DLEC1: variants seen among roughly 807,000 people sequenced by gnomAD.
DLEC1 encodes the protein DLEC1 cilia and flagella associated protein.
In DLEC1, 146 loss-of-function variants were observed where a neutral mutation model predicts 198.1. The ratio of observed to expected loss-of-function variants is 0.74; its 90% confidence interval spans 0.64 to 0.85. The LOEUF is 0.85. Ranked by LOEUF, DLEC1 falls within the 40% of genes least tolerant of loss-of-function variation. The pLI is 0.00. For synonymous variants in DLEC1, 897 were observed against 866.8 expected (o/e 1.03, Z -0.61); for missense variants, 2,233 against 2,220.0 (o/e 1.01, Z -0.12).
At position 38,088,402 on chromosome 3, in the gene DLEC1, C is replaced by T. The variant is rs779480355; in HGVS notation, c.1665+14C>T. The T allele has an allele frequency of 2.5e-5, 40 of 1,605,392 alleles. No homozygotes were observed. Among genetic ancestry groups the T allele is most frequent in the South Asian group, 2.2e-5 (2 of 90,666 alleles). On this transcript the variant is annotated intron_variant, in intron 10 of 36. Coordinates refer to ENST00000308059, the MANE Select transcript of DLEC1 (RefSeq NM_007335.4). Reference sequence around the variant, plus strand: ...ATATTAGTGGAGGTAGGTAATCAGACATTGGCATGTATTTCCTCAACTGCT... The same window carrying T: ...ATATTAGTGGAGGTAGGTAATCAGATATTGGCATGTATTTCCTCAACTGCT...
intron 2 of DLEC1, among the ~76,000 whole-genome samples, chr3:38,054,661 C>T (rs1270393941): frequency 1.3e-5 from 2 of 152,230 alleles, no homozygotes; most frequent in Non-Finnish European, 2.9e-5. Flanking sequence ...AGACCACTTG[C>T]TGTAAGCACA....
At chr3:38,046,939 GA>G (rs1478782062) in intron 2 of DLEC1, among the ~76,000 whole-genome samples, 1 of 152,190 alleles carries the variant, frequency 6.6e-6, no homozygotes, top group Non-Finnish European at 1.5e-5. Context: ...GTAGGATGGG[GA>G]TGGTTCTGTC....
Position 38,114,890 on chromosome 3 carries a change from C to T in DLEC1, c.3786-93C>T, listed in dbSNP as rs139487931. ...GTGAGGCCAGACCACTGTGGTATTTCCCCCTGCCTGAGCCCCCAGTCCCAG... is the reference window on the plus strand; with the variant it reads ...GTGAGGCCAGACCACTGTGGTATTTTCCCCTGCCTGAGCCCCCAGTCCCAG... On this transcript the variant is annotated intron_variant, in intron 26 of 36. Transcript: ENST00000308059. The T allele has an allele frequency of 1.7e-3, 1,887 of 1,105,772 alleles. 15 individuals are homozygous for T. The African/African-American group carries it at 0.019, about 11-fold the overall frequency. The allele number at this position is 1,105,772 out of a possible 1,614,324, so 68.5% of individuals were successfully genotyped here.
chr3:38,100,139 C>T, intron 18 of DLEC1, 147 bp from the exon 19 acceptor site: 6 of 959,154 alleles, frequency 6.3e-6, no homozygotes, highest in Non-Finnish European at 9.0e-6. Flanking sequence ...TGGTCCCCCA[C>T]CTGCTTGCCT....
Position 38,097,287 on chromosome 3 carries a change from A to C in DLEC1, c.2434+12A>C. 6.4e-7 allele frequency: 1 copy of C among 1,570,182 alleles called. No individual in the cohort carries two copies. The highest frequency in any genetic ancestry group is 1.4e-5 in the African/African-American group (1 of 73,850). ...CACAGGGGTCATAGGTACCTTGGGG[A>C]CTGCAGGAGGGGTTGTGACCTGCCT... is the stretch of plus-strand genomic sequence containing the variant. On this transcript the variant is annotated intron_variant, in intron 16 of 36. Coordinates refer to ENST00000308059, the MANE Select transcript of DLEC1 (RefSeq NM_007335.4).
intron 4 of DLEC1, 63 bp from the exon 5 acceptor site, chr3:38,062,518 A>C (rs922642053): frequency 1.9e-6 from 3 of 1,598,226 alleles, no homozygotes; most frequent in Middle Eastern, 1.7e-4. Flanking sequence ...GCAGTTGGTC[A>C]AGATGTCAAC....
At chr3:38,039,765 C>A in intron 1 of DLEC1, 129 bp downstream of exon 1, 1 of 1,245,446 alleles carries the variant, frequency 8.0e-7, no homozygotes, top group Non-Finnish European at 1.1e-6. Context: ...GCCCATCATG[C>A]CGAAGTGGGC....
rs770758329 is a variant in DLEC1 at position 38,116,970 on chromosome 3, G to T, written c.4180-5G>T. On this transcript the variant is annotated splice_region_variant and splice_polypyrimidine_tract_variant and intron_variant, in intron 29 of 36. Coordinates refer to ENST00000308059, the MANE Select transcript of DLEC1 (RefSeq NM_007335.4). The stretch of plus-strand genomic sequence containing the variant: ...ACAGTGCTAAGGCTGCTGTGTCTAT[G>T]CCAGGTGGTCCCTGCTGGGGGCAGC... The T allele has an allele frequency of 1.2e-6, 2 of 1,613,696 alleles. No homozygotes were observed. Among genetic ancestry groups the T allele is most frequent in the African/African-American group, 1.3e-5 (1 of 75,024 alleles).
Position 38,046,312 on chromosome 3 carries a change from G to T in DLEC1, c.562+619G>T, listed in dbSNP as rs184922170. 2.9e-3 allele frequency among the ~76,000 whole-genome samples: 449 copies of T among 152,218 alleles called. 2 individuals carry two copies. Among genetic ancestry groups the T allele is most frequent in the Admixed American group, 3.4e-3 (52 of 15,292 alleles). ...CACCCAAATCTCACCTTGAATTGTA[G>T]CTCCCGTAATCCCCACGTGTCATGG... On this transcript the variant is annotated intron_variant, in intron 2 of 36. Coordinates refer to ENST00000308059, the MANE Select transcript of DLEC1 (RefSeq NM_007335.4).
At chr3:38,088,234 C>A in intron 9 of DLEC1, 62 bp from the exon 10 acceptor site, 1 of 1,445,144 alleles carries the variant, frequency 6.9e-7, no homozygotes, top group African/African-American at 1.4e-5. Flanking sequence ...GAGAAGTTTG[C>A]AATCTGAATA....
chr3:38,062,880 C>A, intron 5 of DLEC1, 79 bp downstream of exon 5: 2 of 1,452,072 alleles, frequency 1.4e-6, no homozygotes, highest in East Asian at 2.3e-5. Flanking sequence ...TTTGGTCTGG[C>A]TGTAGAGGTC....
Position 38,113,670 on chromosome 3 carries a change from G to A in DLEC1, c.3667-672G>A, listed in dbSNP as rs149527276. Reference sequence around the variant, plus strand: ...CATGCCACTGCACTCCAGCCTGAGCGATGGAGCAAGACTCTGTCTCAATAA... The same window carrying A: ...CATGCCACTGCACTCCAGCCTGAGCAATGGAGCAAGACTCTGTCTCAATAA... On this transcript the variant is annotated intron_variant, in intron 25 of 36. Transcript: ENST00000308059. Among the ~76,000 whole-genome samples, 422 of 152,080 alleles carry A rather than the reference G, an allele frequency of 2.8e-3. 2 individuals are homozygous for A. The highest frequency in any genetic ancestry group is 9.7e-3 in the African/African-American group (402 of 41,490).
Position 38,111,881 on chromosome 3 carries a change from C to T in DLEC1, c.3514+134C>T, listed in dbSNP as rs1699901689. 14 of 964,732 alleles carry T rather than the reference C, an allele frequency of 1.5e-5. 1 individual carries two copies. The highest frequency in any genetic ancestry group is 1.8e-5 in the Non-Finnish European group (12 of 668,476). The allele number at this position is 964,732 out of a possible 1,614,324, so 59.8% of individuals were successfully genotyped here. On this transcript the variant is annotated intron_variant, in intron 24 of 36. Transcript: ENST00000308059. ...GCTCTCAGATGGCCAAGGCGCTCCA[C>T]CTGACAATGCCTCTTCCTGTTGAGG...
chr3:38,090,609 A>G (rs1698694068), intron 10 of DLEC1, among the ~76,000 whole-genome samples: 1 of 152,252 alleles, frequency 6.6e-6, no homozygotes, highest in African/African-American at 2.4e-5. Flanking sequence ...TCCAAGGATG[A>G]GTCTACCCAC....
intron 15 of DLEC1, among the ~76,000 whole-genome samples, chr3:38,096,955 G>T (rs1403708467): frequency 6.6e-6 from 1 of 152,176 alleles, no homozygotes; most frequent in African/African-American, 2.4e-5. Context: ...GAAAGTTAGG[G>T]CTATGGAACC....
rs187479855 is a variant in DLEC1, at chr3:38,053,673, C to T, written c.563-6069C>T. The stretch of plus-strand genomic sequence containing the variant: ...GGAAGTGAGGAGCCCCTCTGCCCAG[C>T]GGCCACCCCGTCTGGGAGGTGTACC... On this transcript the variant is annotated intron_variant, in intron 2 of 36. Transcript: ENST00000308059. Among the ~76,000 whole-genome samples, 840 of 149,900 alleles carry T rather than the reference C, an allele frequency of 5.6e-3. 5 individuals carry two copies. The highest frequency in any genetic ancestry group is 0.019 in the African/African-American group (794 of 40,768).
Position 38,109,412 on chromosome 3 carries a change from C to T in DLEC1, c.3130-20C>T. The T allele has an allele frequency of 6.2e-7, 1 of 1,614,006 alleles. No homozygotes were observed. The highest frequency in any genetic ancestry group is 1.1e-5 in the South Asian group (1 of 91,086). ...AGAGGCCCCAGGCCTGGTCTGACCC[C>T]TGGATGGGCTTTCTTATAGGAAGAG... On this transcript the variant is annotated intron_variant, in intron 21 of 36. Transcript: ENST00000308059.
chr3:38,062,831 A>G, intron 5 of DLEC1, 30 bp downstream of exon 5: 1 of 1,608,382 alleles, frequency 6.2e-7, no homozygotes, highest in Non-Finnish European at 8.5e-7. Flanking sequence ...GAACTCTCAG[A>G]AAACCTGGCC....
Position 38,112,278 on chromosome 3 carries a change from C to G in DLEC1, c.3583C>G (p.Leu1195Val). 1 of 1,614,174 alleles carries G rather than the reference C, an allele frequency of 6.2e-7. No homozygotes were observed. Among genetic ancestry groups the G allele is most frequent in the Non-Finnish European group, 8.5e-7 (1 of 1,180,024 alleles). Residue 1195 changes from leucine to valine, a missense_variant, in exon 25 of 37, where the codon CTG becomes GTG. Leu to Val is a conservative substitution (Grantham distance 32). Transcript: ENST00000308059. This position sits in a 1 kb window ranked among gnomAD's most constrained non-coding sequence, Gnocchi z 4.8. Reference sequence around the variant, plus strand: ...CTTCCCTCACTTTTCCCAGGGCATGCTGGGGCCCTACCAGCAGCTGTGCAT... The same window carrying G: ...CTTCCCTCACTTTTCCCAGGGCATGGTGGGGCCCTACCAGCAGCTGTGCAT... ...AFFPHFSQGM[L>V]GPYQQLCIDI...
Sources: gnomAD v4.1 joint callset for allele counts (sites outside exome capture counted in the v4.1 genomes callset) on GRCh38, gnomAD v4.1.1 for gene constraint, Gnocchi (gnomAD v3.1) non-coding constraint, MANE v1.5 for transcripts, NCBI Gene and HGNC (gene_info 2026-07-23, HGNC 2026-07-21) for gene names.